The following GPHN variants were observed in gnomAD, a reference collection of about 807,000 sequenced individuals.
GPHN encodes gephyrin.
A neutral mutation model predicts 95.5 loss-of-function variants in GPHN; 17 were observed. That is an observed-to-expected ratio of 0.18 (90% CI 0.12 to 0.27). The LOEUF is 0.27. GPHN is among the 10% of genes least tolerant of loss of function. The pLI, the probability that GPHN is intolerant of heterozygous loss-of-function variation, is 1.00. For missense variants in GPHN, 660 were observed against 978.1 expected (o/e 0.67, Z 4.34); for synonymous variants, 320 against 322.5 (o/e 0.99, Z 0.08).
At chr14:67,143,951 A>C (rs1428569767) in intron 18 of GPHN, among the ~76,000 whole-genome samples, 1 of 151,432 alleles carries the variant, frequency 6.6e-6, no homozygotes, top group Non-Finnish European at 1.5e-5. Flanking sequence ...AATAATGAAA[A>C]TATGGCCAGG....
At chr14:67,529,315 C>T in the GPHN span, among the ~76,000 whole-genome samples, 1 of 152,174 alleles carries the variant, frequency 6.6e-6, no homozygotes. Context: ...TTACTTCCAC[C>T]CTGTGTCCCC....
the GPHN span, among the ~76,000 whole-genome samples, chr14:67,513,176 C>A: frequency 2.6e-5 from 4 of 152,186 alleles, no homozygotes; most frequent in South Asian, 8.3e-4. Context: ...CACGGAAAAG[C>A]CCATCCTCTA....
At chr14:67,495,875 C>T in the GPHN span, among the ~76,000 whole-genome samples, 4 of 152,244 alleles carry the variant, frequency 2.6e-5, no homozygotes, top group Non-Finnish European at 5.9e-5. Context: ...ATGTTCCTAC[C>T]TTCTGATCTC....
chr14:67,415,350 A>T, the GPHN span, among the ~76,000 whole-genome samples: 1 of 152,152 alleles, frequency 6.6e-6, no homozygotes. Flanking sequence ...AACTGCATAA[A>T]ATTTCATGGT....
At position 66,919,909 on chromosome 14, in the gene GPHN, A is replaced by T. The variant is rs113719520; in HGVS notation, c.457-2757A>T. 2.5e-4 allele frequency among the ~76,000 whole-genome samples: 36 copies of T among 146,434 alleles called. 3 individuals carry two copies. In the South Asian group the frequency reaches 2.9e-3, roughly 12 times the overall value. On this transcript the variant is annotated intron_variant, in intron 6 of 22. Coordinates refer to ENST00000478722, the MANE Select transcript of GPHN (RefSeq NM_020806.5). ...GTGAAACCCCATCTCTACTAAAAAT[A>T]AAAAAAAACTAGCCAGGCGTGGTGG...
At chr14:67,596,295 A>ATTTTTTT in the GPHN span, among the ~76,000 whole-genome samples, 1,288 of 60,200 alleles carry the variant, frequency 0.021, 212 homozygotes, top group Middle Eastern at 0.042. Context: ...CGCCCAGCTA[A>ATTTTTTT]TTTTTTTTTT....
At chr14:67,699,002 G>C in the GPHN span, among the ~76,000 whole-genome samples, 19,521 of 152,102 alleles carry the variant, frequency 0.13, 1,308 homozygotes, top group East Asian at 0.21. Context: ...TGTAATCCCA[G>C]CACTTTGGGA....
rs555998700 is a variant in GPHN, at chr14:67,012,986, A to G, written c.964-10647A>G. 2.2e-4 allele frequency among the ~76,000 whole-genome samples: 34 copies of G among 152,164 alleles called. No individual in the cohort carries two copies. In the South Asian group the frequency reaches 4.8e-3, roughly 21 times the overall value. ...AAACTATCTTATTTATGTACTTATT[A>G]GTTTAGGTGCTTATCATCTGTCTAC... On this transcript the variant is annotated intron_variant, in intron 9 of 22. Transcript: ENST00000478722.
At chr14:66,509,323 A>C (rs959698932) in intron 1 of GPHN, 1 of 152,230 alleles carries the variant, frequency 6.6e-6, no homozygotes, top group Non-Finnish European at 1.5e-5. Flanking sequence ...TTTTTACTTG[A>C]GAGGGCAGGA....
At chr14:67,390,720 C>A in the GPHN span, 1 of 1,613,652 alleles carries the variant, frequency 6.2e-7, no homozygotes, top group African/African-American at 1.3e-5. Context: ...CAAAGCGACG[C>A]ACCTTCCAGT....
intron 1 of GPHN, among the ~76,000 whole-genome samples, chr14:66,515,329 G>C (rs925276356): frequency 2.0e-5 from 3 of 152,086 alleles, no homozygotes; most frequent in African/African-American, 7.2e-5. Context: ...GAAACATTTA[G>C]GTAAACCAGA....
chr14:66,816,043 A>G (rs1398910810), intron 3 of GPHN, among the ~76,000 whole-genome samples: 1 of 152,206 alleles, frequency 6.6e-6, no homozygotes, highest in Admixed American at 6.5e-5. Context: ...TAAACCAACA[A>G]AGGTTAAAAA....
chr14:67,342,401 A>G, the GPHN span, among the ~76,000 whole-genome samples: 3 of 151,638 alleles, frequency 2.0e-5, no homozygotes, highest in East Asian at 5.8e-4. Flanking sequence ...ATAACATTGA[A>G]GCACAGATGT....
At chr14:66,849,962 C>T (rs1056873406) in intron 4 of GPHN, among the ~76,000 whole-genome samples, 4 of 152,064 alleles carry the variant, frequency 2.6e-5, no homozygotes, top group Non-Finnish European at 2.9e-5. Context: ...AAATTATATC[C>T]TGAATCAAAG....
chr14:66,674,658 A>G (rs75949831), intron 1 of GPHN, among the ~76,000 whole-genome samples: 2,026 of 152,088 alleles, frequency 0.013, 21 homozygotes, highest in Middle Eastern at 0.021. Flanking sequence ...TCTCTTTTTT[A>G]TGACTGAATA....
At chr14:67,623,550 T>TC in the GPHN span, among the ~76,000 whole-genome samples, 12 of 144,086 alleles carry the variant, frequency 8.3e-5, no homozygotes, top group Admixed American at 7.0e-4. Context: ...TTTTTTTTTT[T>TC]TTTTTTTTTT....
the GPHN span, chr14:67,376,683 C>T: frequency 7.4e-7 from 1 of 1,359,700 alleles, no homozygotes; most frequent in Admixed American, 2.1e-5. Flanking sequence ...AAATACTTGC[C>T]AAATTTAGAT....
intron 10 of GPHN, among the ~76,000 whole-genome samples, chr14:67,026,022 ACT>A (rs1396058808): frequency 6.6e-6 from 1 of 152,052 alleles, no homozygotes; most frequent in African/African-American, 2.4e-5. Flanking sequence ...CCTTTCTGTG[ACT>A]CTGACTCTAA....
chr14:67,037,073 C>A (rs2074456915), intron 10 of GPHN, among the ~76,000 whole-genome samples: 1 of 151,928 alleles, frequency 6.6e-6, no homozygotes, highest in South Asian at 2.1e-4. Flanking sequence ...CTGGAACTGG[C>A]ATAAAGACAG....
Sources: gnomAD v4.1 joint callset for allele counts (sites outside exome capture counted in the v4.1 genomes callset) on GRCh38, gnomAD v4.1.1 for gene constraint, MANE v1.5 for transcripts, NCBI Gene and HGNC (gene_info 2026-07-23, HGNC 2026-07-21) for gene names.